Variants in ZFYVE9 observed in about 807,000 individuals in gnomAD.
ZFYVE9 encodes zinc finger FYVE domain-containing protein 9.
Under a neutral mutation model 126.7 loss-of-function variants are expected in ZFYVE9, and 43 were observed. The ratio of observed to expected loss-of-function variants is 0.34; its 90% CI spans 0.27 to 0.44. The LOEUF (loss-of-function observed/expected upper bound fraction) is 0.44. ZFYVE9 is among the 20% of genes least tolerant of loss of function. The probability of loss-of-function intolerance (pLI) is 1.00; values close to 1 mark genes in which losing one functional copy is unlikely to be tolerated. For missense variants in ZFYVE9, 1,476 were observed against 1,697.0 expected, an observed-to-expected ratio of 0.87 and a Z score of 2.29; for synonymous variants, 521 against 597.4, an observed-to-expected ratio of 0.87 and a Z score of 1.87.
At chr1:52,289,950 G>A (rs866973221) in intron 10 of ZFYVE9, among the ~76,000 whole-genome samples, 14 of 152,110 alleles carry the variant, frequency 9.2e-5, no homozygotes, top group South Asian at 8.3e-4. Context: ...TAGGGAAATC[G>A]CAAAGGAATA....
chr1:52,345,438 G>A (rs1646474989), intron 18 of ZFYVE9, among the ~76,000 whole-genome samples: 1 of 152,232 alleles, frequency 6.6e-6, no homozygotes, highest in South Asian at 2.1e-4. Context: ...ATCAGGGAAT[G>A]ATGAAAGGTT....
At chr1:52,202,790 A>G (rs1644936271) in intron 1 of ZFYVE9, among the ~76,000 whole-genome samples, 1 of 151,646 alleles carries the variant, frequency 6.6e-6, no homozygotes, top group Non-Finnish European at 1.5e-5. Flanking sequence ...GGTTCAAGCA[A>G]TTCTCATGCC....
Position 52,148,060 on chromosome 1 carries a change from A to T in ZFYVE9, c.-143+5657A>T, listed in dbSNP as rs925222067. Among the ~76,000 whole-genome samples, 8 of 151,640 alleles carry T rather than the reference A, an allele frequency of 5.3e-5. No individual in the cohort carries two copies. The East Asian group carries it at 9.9e-4, about 19-fold the overall frequency. The stretch of plus-strand genomic sequence containing the variant: ...CTCCCAAAGTGCTGGGATTACAGGC[A>T]TGAGCCACCATGCTCCTGGTTAATA... On this transcript the variant is annotated intron_variant, in intron 1 of 18. Coordinates refer to ENST00000287727, the MANE Select transcript of ZFYVE9 (RefSeq NM_004799.4).
chr1:52,200,037 TTTA>T (rs1332997627), intron 1 of ZFYVE9, among the ~76,000 whole-genome samples: 8 of 151,770 alleles, frequency 5.3e-5, no homozygotes, highest in Admixed American at 4.6e-4. Context: ...TTTTTTTTTT[TTTA>T]TTATTGTTTT....
intron 17 of ZFYVE9, among the ~76,000 whole-genome samples, chr1:52,343,741 C>T (rs1646460665): frequency 6.9e-6 from 1 of 144,414 alleles, no homozygotes; most frequent in Non-Finnish European, 1.5e-5. Flanking sequence ...GGGCGGTGGG[C>T]AACAGAGTTG....
intron 11 of ZFYVE9, 30 bp from the exon 12 acceptor site, chr1:52,295,864 AT>A (rs1557506053): frequency 6.3e-7 from 1 of 1,583,616 alleles, no homozygotes; most frequent in Admixed American, 1.8e-5. Context: ...ATGTTGCCAA[AT>A]TTAAGTTTGA....
intron 1 of ZFYVE9, among the ~76,000 whole-genome samples, chr1:52,183,866 T>A (rs2124545378): frequency 6.6e-6 from 1 of 151,266 alleles, no homozygotes; most frequent in Non-Finnish European, 1.5e-5. Context: ...TTCTTTTTTT[T>A]TTTTTTGAGA....
In ZFYVE9 at chr1:52,318,603, AAG is replaced by A. The variant is rs371129798; in HGVS notation, c.3439-14162_3439-14161del. 1.8e-4 allele frequency among the ~76,000 whole-genome samples: 28 copies of A among 152,220 alleles called. No individual in the cohort carries two copies. In the South Asian group the frequency reaches 5.4e-3, roughly 29 times the overall value. Reference sequence around the variant, plus strand: ...CCCATGTAATAAGGGGAAAAAAAATAAGAGTCATAAAATTATATATATAAAAA... The same window carrying A: ...CCCATGTAATAAGGGGAAAAAAAATAAGTCATAAAATTATATATATAAAAA... On this transcript the variant is annotated intron_variant, in intron 13 of 18. Coordinates refer to ENST00000287727, the MANE Select transcript of ZFYVE9 (RefSeq NM_004799.4).
intron 1 of ZFYVE9, among the ~76,000 whole-genome samples, chr1:52,206,086 A>T (rs1644975501): frequency 6.6e-6 from 1 of 152,198 alleles, no homozygotes; most frequent in Non-Finnish European, 1.5e-5. Flanking sequence ...AAGGCAATCC[A>T]CTGGAGCTAA....
intron 1 of ZFYVE9, among the ~76,000 whole-genome samples, chr1:52,153,215 G>A (rs139504093): frequency 4.3e-4 from 65 of 152,320 alleles, no homozygotes; most frequent in African/African-American, 1.5e-3. Context: ...AGATCCAAGT[G>A]ATTGCTACAG....
intron 1 of ZFYVE9, among the ~76,000 whole-genome samples, chr1:52,164,379 A>G (rs1158878901): frequency 1.3e-5 from 2 of 151,758 alleles, no homozygotes; most frequent in East Asian, 3.9e-4. Context: ...ACGTCCAGCT[A>G]ATTTTTGTAT....
intron 9 of ZFYVE9, 52 bp downstream of exon 9, chr1:52,278,666 T>A: frequency 8.0e-7 from 1 of 1,243,408 alleles, no homozygotes; most frequent in Non-Finnish European, 1.1e-6. Flanking sequence ...TGACTCATAG[T>A]ACATAAAACT....
At chr1:52,195,525 A>G (rs1038328332) in intron 1 of ZFYVE9, among the ~76,000 whole-genome samples, 12 of 152,246 alleles carry the variant, frequency 7.9e-5, no homozygotes, top group African/African-American at 1.9e-4. Context: ...CTTGTAGTAT[A>G]CATCTTGGAG....
At chr1:52,296,534 G>A (rs17107157) in intron 12 of ZFYVE9, among the ~76,000 whole-genome samples, 7,153 of 151,852 alleles carry the variant, frequency 0.047, 567 homozygotes, top group African/African-American at 0.16. Context: ...TCCTACACAC[G>A]TGCACAGGTT....
At chr1:52,274,383 T>G in intron 7 of ZFYVE9, 81 bp from the exon 8 acceptor site, 1 of 1,442,084 alleles carries the variant, frequency 6.9e-7, no homozygotes, top group Non-Finnish European at 9.3e-7. Flanking sequence ...TTCACTTAAG[T>G]TCCCATTTGT....
chr1:52,330,865 TTTTA>T (rs928952043), intron 13 of ZFYVE9, among the ~76,000 whole-genome samples: 9 of 152,168 alleles, frequency 5.9e-5, no homozygotes, highest in African/African-American at 2.2e-4. Flanking sequence ...ACTACAACTT[TTTTA>T]TTTTATTTTT....
chr1:52,305,290 C>T (rs548304964), intron 13 of ZFYVE9, among the ~76,000 whole-genome samples: 2 of 151,922 alleles, frequency 1.3e-5, no homozygotes, highest in South Asian at 2.1e-4. Flanking sequence ...AAAATACAAA[C>T]ATTGGCTGGG....
At chr1:52,259,758 C>A (rs1380356105) in intron 4 of ZFYVE9, among the ~76,000 whole-genome samples, 1 of 152,080 alleles carries the variant, frequency 6.6e-6, no homozygotes, top group South Asian at 2.1e-4. Context: ...AATGGTGCCA[C>A]TGCACTCCAG....
At chr1:52,307,228 CTTTTT>C (rs557514542) in intron 13 of ZFYVE9, among the ~76,000 whole-genome samples, 1 of 151,410 alleles carries the variant, frequency 6.6e-6, no homozygotes, top group South Asian at 2.1e-4. Flanking sequence ...ATAGTTATTT[CTTTTT>C]TTTTGTTTTG....
Sources: gnomAD v4.1 joint callset for allele counts (sites outside exome capture counted in the v4.1 genomes callset) on GRCh38, gnomAD v4.1.1 for gene constraint, MANE v1.5 for transcripts, NCBI Gene and HGNC (gene_info 2026-07-23, HGNC 2026-07-21) for gene names.